CPNE8: variants seen among roughly 807,000 people sequenced by gnomAD.
CPNE8 encodes copine 8.
CPNE8 carries 45 observed loss-of-function variants against 81.5 expected under a neutral mutation model. The ratio of observed to expected loss-of-function variants is 0.55; its 90% CI spans 0.44 to 0.71. CPNE8 has a LOEUF of 0.71. Ranked by LOEUF, CPNE8 falls within the 30% of genes least tolerant of loss-of-function variation. The probability of loss-of-function intolerance (pLI) is 0.00; values close to 1 mark genes in which losing one functional copy is unlikely to be tolerated. For missense variants in CPNE8, 594 were observed against 672.1 expected, an observed-to-expected ratio of 0.88 and a Z score of 1.28; for synonymous variants, 252 against 226.3, an observed-to-expected ratio of 1.11 and a Z score of -1.02.
At chr12:38,732,077 C>G (rs1940844368) in intron 10 of CPNE8, among the ~76,000 whole-genome samples, 1 of 151,846 alleles carries the variant, frequency 6.6e-6, no homozygotes, top group Non-Finnish European at 1.5e-5. Context: ...ATAAACAGAG[C>G]TCACCACAGC....
chr12:38,682,068 A>C (rs1263081206), intron 16 of CPNE8, among the ~76,000 whole-genome samples: 1 of 152,112 alleles, frequency 6.6e-6, no homozygotes. Context: ...AAAGATACAA[A>C]AATTAGCCAG....
At chr12:38,727,673 C>T (rs79949656) in intron 11 of CPNE8, among the ~76,000 whole-genome samples, 87 of 152,166 alleles carry the variant, frequency 5.7e-4, no homozygotes, top group African/African-American at 2.0e-3. Context: ...TGTTTAACAG[C>T]GTATCTGCTG....
chr12:38,782,628 T>G (rs1942080027), intron 6 of CPNE8, among the ~76,000 whole-genome samples: 1 of 152,012 alleles, frequency 6.6e-6, no homozygotes, highest in Non-Finnish European at 1.5e-5. Context: ...AGAATAAAGT[T>G]AGCTTCTGAT....
At chr12:38,867,370 CAG>C (rs144239792) in intron 3 of CPNE8, among the ~76,000 whole-genome samples, 162 of 111,980 alleles carry the variant, frequency 1.4e-3, no homozygotes, top group African/African-American at 4.8e-3. Context: ...GAGAGAGAGA[CAG>C]AGAGAGAGAG....
In CPNE8 at chr12:38,843,739, G is replaced by T. The variant is rs574066332; in HGVS notation, c.291-3784C>A. Among the ~76,000 whole-genome samples the T allele has an allele frequency of 5.9e-4, 90 of 152,004 alleles. 1 individual carries two copies. The highest frequency in any genetic ancestry group is 1.2e-3 in the Non-Finnish European group (84 of 68,022). On this transcript the variant is annotated intron_variant, in intron 4 of 19. Transcript: ENST00000331366. ...AAGTACTTAAAATGTGTCCTCTGAG[G>T]CTGATTCCCACATAAGGTCTGGATT...
chr12:38,862,687 G>T (rs905005374), intron 3 of CPNE8, among the ~76,000 whole-genome samples: 1 of 152,146 alleles, frequency 6.6e-6, no homozygotes, highest in Admixed American at 6.5e-5. Context: ...AATGGCTCAC[G>T]CCTGTAATCC....
chr12:38,795,863 G>GATAGATAGATA (rs1565620173), intron 6 of CPNE8, among the ~76,000 whole-genome samples: 2 of 23,994 alleles, frequency 8.3e-5, no homozygotes, highest in African/African-American at 1.6e-4. Context: ...ATAGATGGAT[G>GATAGATAGATA]GATGGATAGA....
At chr12:38,655,041 A>C (rs1159661072) in intron 19 of CPNE8, among the ~76,000 whole-genome samples, 1 of 152,154 alleles carries the variant, frequency 6.6e-6, no homozygotes, top group Non-Finnish European at 1.5e-5. Context: ...GAAGACAGGA[A>C]AAAAGATCTT....
intron 14 of CPNE8, among the ~76,000 whole-genome samples, chr12:38,696,185 C>G (rs1417377795): frequency 6.6e-6 from 1 of 152,136 alleles, no homozygotes; most frequent in Non-Finnish European, 1.5e-5. Context: ...TTCCTCTACA[C>G]CAGTCTCTTC....
chr12:38,672,244 C>T (rs564563033), intron 18 of CPNE8, among the ~76,000 whole-genome samples: 1 of 152,210 alleles, frequency 6.6e-6, no homozygotes, highest in South Asian at 2.1e-4. Context: ...TTCTACAATC[C>T]CCATTGGTCT....
chr12:38,905,697 C>T, upstream of CPNE8: 1 of 1,452,012 alleles, frequency 6.9e-7, no homozygotes, highest in Non-Finnish European at 9.1e-7. Flanking sequence ...GGCGGACCTC[C>T]GCGCAGAGCC....
At chr12:38,703,087 G>A (rs541527862) in intron 13 of CPNE8, among the ~76,000 whole-genome samples, 166 bp from the exon 14 acceptor site, 10 of 151,950 alleles carry the variant, frequency 6.6e-5, no homozygotes, top group African/African-American at 2.4e-4. Flanking sequence ...AGTTTTACAT[G>A]GTAAGAACTT....
chr12:38,760,477 C>T (rs1941552187), intron 10 of CPNE8, among the ~76,000 whole-genome samples: 1 of 110,720 alleles, frequency 9.0e-6, no homozygotes, highest in African/African-American at 4.3e-5. Context: ...GCAGAGTTGG[C>T]TGGTGAATGC....
chr12:38,787,594 A>G (rs1301973271), intron 6 of CPNE8, among the ~76,000 whole-genome samples: 1 of 151,902 alleles, frequency 6.6e-6, no homozygotes, highest in Non-Finnish European at 1.5e-5. Context: ...GTAAGAAATA[A>G]TAAAGATCAA....
chr12:38,766,070 G>T (rs970805765), intron 8 of CPNE8, among the ~76,000 whole-genome samples: 1 of 152,050 alleles, frequency 6.6e-6, no homozygotes, highest in African/African-American at 2.4e-5. Context: ...ATGTTGACCA[G>T]GATGGTCTCG....
At chr12:38,751,189 T>C (rs1453947996) in intron 10 of CPNE8, among the ~76,000 whole-genome samples, 1 of 152,244 alleles carries the variant, frequency 6.6e-6, no homozygotes, top group Non-Finnish European at 1.5e-5. Context: ...TTCTTTCTTT[T>C]GTAATTGCCC....
chr12:38,723,877 C>T lies in CPNE8; in HGVS notation c.853-44G>A, dbSNP rs368903353. 15 of 1,003,608 alleles carry T rather than the reference C, an allele frequency of 1.5e-5. No homozygotes were observed. In the African/African-American group the frequency reaches 2.4e-4, roughly 16 times the overall value. The allele number at this position is 1,003,608 out of a possible 1,614,324, so 62.2% of individuals were successfully genotyped here. A position where few individuals can be genotyped will look rare whatever the true frequency, so the allele number is the denominator to read the frequency against. On this transcript the variant is annotated intron_variant, in intron 12 of 19. Coordinates refer to ENST00000331366, the MANE Select transcript of CPNE8 (RefSeq NM_153634.3). ...GAATTACCTTCTAGTTGTTTGTGAC[C>T]CCAAATAGACCTTTCTAATTATTAG... is the stretch of plus-strand genomic sequence containing the variant.
Position 38,752,013 on chromosome 12 carries a change from T to A in CPNE8, c.722+8834A>T, listed in dbSNP as rs1941362148. Among the ~76,000 whole-genome samples the A allele has an allele frequency of 2.0e-5, 3 of 152,210 alleles. No homozygotes were observed. In the South Asian group the frequency reaches 6.2e-4, roughly 32 times the overall value. ...ATCCTCAGTATTTTGTTGTATAAAT[T>A]GTGATACTGTTGCAAAATAAGTTTA... is the stretch of plus-strand genomic sequence containing the variant. On this transcript the variant is annotated intron_variant, in intron 10 of 19. Coordinates refer to ENST00000331366, the MANE Select transcript of CPNE8 (RefSeq NM_153634.3).
intron 15 of CPNE8, among the ~76,000 whole-genome samples, chr12:38,692,144 T>G (rs1939690531): frequency 6.6e-6 from 1 of 151,760 alleles, no homozygotes; most frequent in Non-Finnish European, 1.5e-5. Flanking sequence ...ATACAAAAAT[T>G]AGCCAGGTGT....
Sources: gnomAD v4.1 joint callset for allele counts (sites outside exome capture counted in the v4.1 genomes callset) on GRCh38, gnomAD v4.1.1 for gene constraint, MANE v1.5 for transcripts, NCBI Gene and HGNC (gene_info 2026-07-23, HGNC 2026-07-21) for gene names.